Variants in DLG2 observed in about 807,000 individuals in gnomAD.
DLG2 encodes discs large MAGUK scaffold protein 2.
Under a neutral mutation model 132.5 loss-of-function variants are expected in DLG2, and 45 were observed. That is an observed-to-expected ratio of 0.34 (90% CI 0.27 to 0.44). The LOEUF is 0.44. Ranked by LOEUF, DLG2 falls within the 20% of genes least tolerant of loss-of-function variation. DLG2 has a pLI of 1.00. For missense variants in DLG2, 1,045 were observed against 1,196.9 expected (o/e 0.87, Z 1.87); for synonymous variants, 424 against 419.6 (o/e 1.01, Z -0.13).
At chr11:85,082,303 G>C (rs1310023427) in intron 6 of DLG2, among the ~76,000 whole-genome samples, 1 of 152,044 alleles carries the variant, frequency 6.6e-6, no homozygotes. Flanking sequence ...AATAACAACA[G>C]ACTTAGAACT....
rs181242109 is a variant in DLG2, at chr11:84,945,636, T to A, written c.357+166025A>T. On this transcript the variant is annotated intron_variant, in intron 6 of 27. Transcript: ENST00000376104. ...CAGAAATCCAGCTAGGCTTATGGCCTTTTCTTTAGGGCAGCAAGCTTCCCC... is the reference window on the plus strand; with the variant it reads ...CAGAAATCCAGCTAGGCTTATGGCCATTTCTTTAGGGCAGCAAGCTTCCCC... Among the ~76,000 whole-genome samples the A allele has an allele frequency of 3.3e-5, 5 of 152,272 alleles. No homozygotes were observed. The East Asian group carries it at 9.7e-4, about 29-fold the overall frequency.
At position 85,308,177 on chromosome 11, in the gene DLG2, A is replaced by AT. The variant is rs2080083792; in HGVS notation, c.41-22813_41-22812insA. 4.2e-5 allele frequency among the ~76,000 whole-genome samples: 6 copies of AT among 143,454 alleles called. 1 individual carries two copies. Among genetic ancestry groups the AT allele is most frequent in the Admixed American group, 1.4e-4 (2 of 14,112 alleles). 94.1% of individuals were successfully genotyped at this position (143,454 alleles called of 152,430 possible). A position where few individuals can be genotyped will look rare whatever the true frequency, so the allele number is the denominator to read the frequency against. On this transcript the variant is annotated intron_variant, in intron 3 of 27. Coordinates refer to ENST00000376104, the MANE Select transcript of DLG2 (RefSeq NM_001142699.3). The stretch of plus-strand genomic sequence containing the variant: ...TCAAAAAATAAAATAAAATAAAATA[A>AT]AATAAAATAAAATAAAATAAAACAA...
intron 18 of DLG2, among the ~76,000 whole-genome samples, chr11:83,772,881 G>GCCAGTTAAGAAATT (rs2094453618): frequency 1.3e-5 from 2 of 152,058 alleles, no homozygotes; most frequent in Non-Finnish European, 2.9e-5. Context: ...GCTACTAATA[G>GCCAGTTAAGAAATT]GGGCAAGAAG....
intron 6 of DLG2, among the ~76,000 whole-genome samples, chr11:85,068,640 G>A (rs417091): frequency 6.6e-6 from 1 of 151,678 alleles, no homozygotes; most frequent in African/African-American, 2.4e-5. Context: ...CACTGCTCAA[G>A]GAAATAAAAG....
chr11:85,340,936 G>T, intron 3 of DLG2, among the ~76,000 whole-genome samples: 1 of 152,146 alleles, frequency 6.6e-6, no homozygotes, highest in South Asian at 2.1e-4. Flanking sequence ...GAACTTTTGT[G>T]TATGATGTGA....
intron 7 of DLG2, among the ~76,000 whole-genome samples, chr11:84,397,642 C>T (rs2098815394): frequency 6.6e-6 from 1 of 152,222 alleles, no homozygotes; most frequent in African/African-American, 2.4e-5. Context: ...ATGTGGTCAA[C>T]AGCCCTATCG....
rs2060068741 is a variant in DLG2 at position 85,021,558 on chromosome 11, A to G, written c.357+90103T>C. ...CATACTTCGAAAAGATTGCCTCCAC[A>G]TCAGATTTCTTGACCACAAGAGTGT... On this transcript the variant is annotated intron_variant, in intron 6 of 27. Transcript: ENST00000376104. 5 of 1,587,600 alleles carry G rather than the reference A, an allele frequency of 3.1e-6. No individual in the cohort carries two copies. In the South Asian group the frequency reaches 4.4e-5, roughly 14 times the overall value.
chr11:83,597,343 G>A (rs1042928904), intron 19 of DLG2, among the ~76,000 whole-genome samples: 2 of 151,910 alleles, frequency 1.3e-5, no homozygotes, highest in African/African-American at 4.8e-5. Flanking sequence ...ATTTGGTGAA[G>A]AAAATAAAAA....
At chr11:85,161,655 T>C (rs1013773173) in intron 4 of DLG2, among the ~76,000 whole-genome samples, 13 of 152,188 alleles carry the variant, frequency 8.5e-5, no homozygotes, top group Non-Finnish European at 1.8e-4. Flanking sequence ...ACCAAGGCAC[T>C]CACTTTACAG....
At chr11:83,991,081 A>C (rs1358655303) in intron 11 of DLG2, among the ~76,000 whole-genome samples, 1 of 152,204 alleles carries the variant, frequency 6.6e-6, no homozygotes, top group East Asian at 1.9e-4. Flanking sequence ...TGCTTTAACA[A>C]ATACCAAAAA....
At chr11:83,509,567 CTCTTATGGTACTCCATCTCTCAAGCCATT>C (rs1565546302) in intron 21 of DLG2, among the ~76,000 whole-genome samples, 1 of 152,108 alleles carries the variant, frequency 6.6e-6, no homozygotes, top group Non-Finnish European at 1.5e-5. Context: ...GGTACCCCAT[CTCTTATGGTACTCCATCTCTCAAGCCATT>C]TCTTTTGTCT....
intron 4 of DLG2, among the ~76,000 whole-genome samples, chr11:85,200,493 T>A (rs966836983): frequency 6.6e-6 from 1 of 152,168 alleles, no homozygotes; most frequent in Non-Finnish European, 1.5e-5. Flanking sequence ...CTAACCTCCA[T>A]CCTACAGCGG....
chr11:85,342,827 A>G (rs1052191020), intron 3 of DLG2, among the ~76,000 whole-genome samples: 1 of 152,238 alleles, frequency 6.6e-6, no homozygotes, highest in Admixed American at 6.5e-5. Context: ...CCACCATCAT[A>G]TAAGTGCTCT....
chr11:85,082,237 A>G (rs2067327474), intron 6 of DLG2, among the ~76,000 whole-genome samples: 1 of 152,182 alleles, frequency 6.6e-6, no homozygotes, highest in Non-Finnish European at 1.5e-5. Context: ...GTTATACTGG[A>G]GGAAAATACT....
chr11:84,118,095 G>A (rs1227714268), intron 9 of DLG2, among the ~76,000 whole-genome samples: 1 of 152,132 alleles, frequency 6.6e-6, no homozygotes, highest in Non-Finnish European at 1.5e-5. Context: ...GACCGCAGGT[G>A]ATCCACCTGC....
intron 18 of DLG2, among the ~76,000 whole-genome samples, chr11:83,749,486 T>C (rs932844924): frequency 3.9e-5 from 6 of 152,142 alleles, no homozygotes; most frequent in Non-Finnish European, 7.4e-5. Context: ...TGTCTCTCTC[T>C]TGGTTATACT....
chr11:84,533,758 T>C (rs1339183286), intron 7 of DLG2, among the ~76,000 whole-genome samples: 4 of 152,076 alleles, frequency 2.6e-5, no homozygotes, highest in African/African-American at 9.7e-5. Context: ...TTAGCAATAA[T>C]TACTAAGGAG....
At chr11:84,502,380 TTC>T (rs1567806848) in intron 7 of DLG2, among the ~76,000 whole-genome samples, 1 of 95,506 alleles carries the variant, frequency 1.0e-5, no homozygotes, top group African/African-American at 5.4e-5. Context: ...CTTTCTTTCT[TTC>T]TTTCTTTCTT....
intron 14 of DLG2, among the ~76,000 whole-genome samples, chr11:83,931,107 T>C (rs893979883): frequency 1.3e-5 from 2 of 152,190 alleles, no homozygotes; most frequent in Non-Finnish European, 2.9e-5. Flanking sequence ...GCACATCTAA[T>C]ACAAAGAAAT....
Sources: allele counts gnomAD v4.1 joint callset (sites outside exome capture counted in the v4.1 genomes callset), GRCh38; gene constraint gnomAD v4.1.1; transcripts MANE v1.5; gene names NCBI Gene and HGNC (gene_info 2026-07-23, HGNC 2026-07-21).